The following DOK6 variants were observed in gnomAD, a reference collection of about 807,000 sequenced individuals.
DOK6 encodes the protein docking protein 6.
A neutral mutation model predicts 44.0 loss-of-function variants in DOK6; 22 were observed. That is an observed-to-expected ratio of 0.50 (90% confidence interval 0.36 to 0.71). DOK6 has a LOEUF of 0.71. DOK6 is among the 30% of genes least tolerant of loss of function. The pLI is 0.00. For synonymous variants in DOK6, 166 were observed against 145.5 expected, an observed-to-expected ratio of 1.14 and a Z score of -1.01; for missense variants, 340 against 416.4, an observed-to-expected ratio of 0.82 and a Z score of 1.60.
At chr18:69,785,155 C>T (rs918679608) in intron 7 of DOK6, among the ~76,000 whole-genome samples, 8 of 152,144 alleles carry the variant, frequency 5.3e-5, no homozygotes, top group Non-Finnish European at 1.2e-4. Flanking sequence ...TGTGTAATGA[C>T]AGCCCAACAT....
intron 2 of DOK6, among the ~76,000 whole-genome samples, chr18:69,575,350 G>A (rs1351174876): frequency 6.6e-6 from 1 of 152,082 alleles, no homozygotes; most frequent in Non-Finnish European, 1.5e-5. Flanking sequence ...AAGTACAGCA[G>A]ATTGTAGTGA....
intron 3 of DOK6, among the ~76,000 whole-genome samples, chr18:69,625,665 T>A (rs1984542252): frequency 6.6e-6 from 1 of 152,156 alleles, no homozygotes. Context: ...AATACACAAA[T>A]CATTTAAGTA....
At chr18:69,648,810 G>A (rs1037987068) in intron 3 of DOK6, among the ~76,000 whole-genome samples, 2 of 152,088 alleles carry the variant, frequency 1.3e-5, no homozygotes, top group African/African-American at 4.8e-5. Flanking sequence ...TCATGCAACT[G>A]GGAACAGTAG....
rs1325247669 is a variant in DOK6, at chr18:69,722,296, A to G, written c.600-16669A>G. ...CCAGTAAGTTATTATTCTTATCTCC[A>G]AATGAGTGCTTTCGAACAGCCTAGC... On this transcript the variant is annotated intron_variant, in intron 5 of 7. Transcript: ENST00000382713. Among the ~76,000 whole-genome samples, 7 of 152,330 alleles carry G rather than the reference A, an allele frequency of 4.6e-5. No individual in the cohort carries two copies. The East Asian group carries it at 1.3e-3, about 29-fold the overall frequency.
At chr18:69,677,476 A>G (rs771805592) in intron 3 of DOK6, among the ~76,000 whole-genome samples, 1 of 152,114 alleles carries the variant, frequency 6.6e-6, no homozygotes, top group Non-Finnish European at 1.5e-5. Context: ...GCTATATAAG[A>G]AACAAATATT....
chr18:69,564,963 A>G (rs1982933636), intron 2 of DOK6, among the ~76,000 whole-genome samples: 1 of 152,198 alleles, frequency 6.6e-6, no homozygotes. Flanking sequence ...GCTGCCTTTA[A>G]CAGTGCTAAT....
intron 4 of DOK6, among the ~76,000 whole-genome samples, chr18:69,680,764 C>G (rs1180744985): frequency 6.6e-6 from 1 of 152,178 alleles, no homozygotes; most frequent in Non-Finnish European, 1.5e-5. Context: ...ATGGTAAAGA[C>G]TAAGATATCT....
At chr18:69,687,395 G>A (rs1454604780) in intron 4 of DOK6, among the ~76,000 whole-genome samples, 1 of 151,858 alleles carries the variant, frequency 6.6e-6, no homozygotes, top group African/African-American at 2.4e-5. Flanking sequence ...CCTAGGAATA[G>A]AGGCCAGGCA....
At chr18:69,696,333 C>G (rs1032444526) in intron 4 of DOK6, among the ~76,000 whole-genome samples, 13 of 152,098 alleles carry the variant, frequency 8.5e-5, no homozygotes, top group Admixed American at 2.0e-4. Flanking sequence ...ATGTCAAGAT[C>G]TTTTTTTAAA....
intron 1 of DOK6, among the ~76,000 whole-genome samples, chr18:69,428,835 A>G (rs1978716590): frequency 6.6e-6 from 1 of 152,226 alleles, no homozygotes; most frequent in South Asian, 2.1e-4. Context: ...GTGTGGTACT[A>G]TATTTTACAT....
At chr18:69,582,032 C>CA (rs1214936807) in intron 2 of DOK6, among the ~76,000 whole-genome samples, 8 of 151,996 alleles carry the variant, frequency 5.3e-5, no homozygotes, top group Non-Finnish European at 1.2e-4. Context: ...TAATGTGGAA[C>CA]AAAAAAGATC....
chr18:69,475,275 A>C (rs891162347), intron 1 of DOK6, among the ~76,000 whole-genome samples: 1 of 152,210 alleles, frequency 6.6e-6, no homozygotes, highest in African/African-American at 2.4e-5. Context: ...AAACAAAAGT[A>C]TTGATCTTAT....
chr18:69,722,776 A>C (rs1291153570), intron 5 of DOK6, among the ~76,000 whole-genome samples: 1 of 152,234 alleles, frequency 6.6e-6, no homozygotes, highest in Non-Finnish European at 1.5e-5. Context: ...TTAATTTAAA[A>C]TATTAACAAA....
chr18:69,595,012 C>T (rs554018997), intron 2 of DOK6, among the ~76,000 whole-genome samples: 1 of 151,858 alleles, frequency 6.6e-6, no homozygotes, highest in African/African-American at 2.4e-5. Context: ...ATTTACAATA[C>T]CTCAAAAAAT....
intron 1 of DOK6, among the ~76,000 whole-genome samples, chr18:69,527,901 A>G (rs558020190): frequency 2.1e-4 from 32 of 152,160 alleles, no homozygotes; most frequent in African/African-American, 6.0e-4. Flanking sequence ...GGTGGCTCAC[A>G]CCTGTAATCC....
intron 6 of DOK6, among the ~76,000 whole-genome samples, chr18:69,754,833 AAT>A (rs1200177767): frequency 6.6e-6 from 1 of 152,232 alleles, no homozygotes; most frequent in East Asian, 1.9e-4. Context: ...CTTGTCTTCA[AAT>A]ATAGTCATTT....
At chr18:69,405,154 C>T (rs1242417830) in intron 1 of DOK6, among the ~76,000 whole-genome samples, 1 of 152,120 alleles carries the variant, frequency 6.6e-6, no homozygotes, top group Middle Eastern at 3.2e-3. Flanking sequence ...TGCCCTTTCT[C>T]CCTTCTTGAT....
intron 1 of DOK6, among the ~76,000 whole-genome samples, chr18:69,528,314 C>T (rs146859534): frequency 2.3e-3 from 351 of 152,198 alleles, no homozygotes; most frequent in African/African-American, 5.9e-3. Flanking sequence ...ATAAATATAA[C>T]GGTTATATTC....
chr18:69,619,675 G>A (rs1005851642), intron 3 of DOK6, among the ~76,000 whole-genome samples: 5 of 152,172 alleles, frequency 3.3e-5, no homozygotes, highest in South Asian at 2.1e-4. Flanking sequence ...TGTTATTGGC[G>A]TAAAATACAA....
Sources: gnomAD v4.1 joint callset for allele counts (sites outside exome capture counted in the v4.1 genomes callset) on GRCh38, gnomAD v4.1.1 for gene constraint, MANE v1.5 for transcripts, NCBI Gene and HGNC (gene_info 2026-07-23, HGNC 2026-07-21) for gene names.